The following PDZRN4 variants were observed in gnomAD, a reference collection of about 807,000 sequenced individuals.
The protein encoded by PDZRN4 is PDZ domain-containing RING finger protein 4.
Under a neutral mutation model 99.0 loss-of-function variants are expected in PDZRN4, and 70 were observed. That is an observed-to-expected ratio of 0.71 (90% CI 0.58 to 0.86). The LOEUF (loss-of-function observed/expected upper bound fraction) is 0.86. PDZRN4 is among the 40% of genes least tolerant of loss of function. The probability of loss-of-function intolerance (pLI) is 0.00; values close to 1 mark genes in which losing one functional copy is unlikely to be tolerated. For missense variants in PDZRN4, 1,474 were observed against 1,331.2 expected, an observed-to-expected ratio of 1.11 and a Z score of -1.67; for synonymous variants, 551 against 501.6, an observed-to-expected ratio of 1.10 and a Z score of -1.32.
chr12:41,261,526 A>G (rs1411649548), intron 3 of PDZRN4, among the ~76,000 whole-genome samples: 2 of 152,238 alleles, frequency 1.3e-5, no homozygotes, highest in African/African-American at 2.4e-5. Context: ...GTCTCGCTCT[A>G]TCGCCCAGGC....
chr12:41,319,756 G>T (rs190811937), intron 3 of PDZRN4, among the ~76,000 whole-genome samples: 1 of 152,264 alleles, frequency 6.6e-6, no homozygotes, highest in East Asian at 1.9e-4. Context: ...AACGTTCCTA[G>T]AGGTAAAAAA....
intron 3 of PDZRN4, among the ~76,000 whole-genome samples, chr12:41,402,834 G>A (rs1022524748): frequency 7.3e-5 from 11 of 151,640 alleles, no homozygotes; most frequent in African/African-American, 2.2e-4. Flanking sequence ...TTTGAGGGCA[G>A]CGTCAGCGTC....
intron 3 of PDZRN4, among the ~76,000 whole-genome samples, chr12:41,265,437 C>G (rs1299568363): frequency 1.3e-5 from 2 of 152,016 alleles, no homozygotes; most frequent in Non-Finnish European, 2.9e-5. Flanking sequence ...ATGGTTTTAC[C>G]TTAAGAAACC....
intron 3 of PDZRN4, among the ~76,000 whole-genome samples, chr12:41,361,571 G>A (rs1394115420): frequency 6.6e-6 from 1 of 152,044 alleles, no homozygotes; most frequent in African/African-American, 2.4e-5. Context: ...GCCACAATTT[G>A]AGGCCATATG....
At chr12:41,557,148 CAAAAAAAA>C (rs112787721) in intron 7 of PDZRN4, among the ~76,000 whole-genome samples, 1 of 57,982 alleles carries the variant, frequency 1.7e-5, no homozygotes, top group African/African-American at 4.4e-5. Flanking sequence ...GAGACACTCT[CAAAAAAAA>C]AAAAAAAAAA....
chr12:41,338,826 T>TTTCATCAAAAAAATCC (rs879762043), intron 3 of PDZRN4, among the ~76,000 whole-genome samples: 20 of 151,644 alleles, frequency 1.3e-4, no homozygotes, highest in Non-Finnish European at 2.5e-4. Context: ...CAACAAAATC[T>TTTCATCAAAAAAATCC]TTCATCAAAA....
intron 3 of PDZRN4, among the ~76,000 whole-genome samples, chr12:41,502,251 T>TA (rs1938124472): frequency 6.6e-6 from 1 of 152,108 alleles, no homozygotes; most frequent in South Asian, 2.1e-4. Context: ...GTTGCCCGGT[T>TA]ACAATGGAAA....
At chr12:41,523,267 C>T in intron 5 of PDZRN4, among the ~76,000 whole-genome samples, 1 of 152,028 alleles carries the variant, frequency 6.6e-6, no homozygotes, top group East Asian at 1.9e-4. Context: ...AGAAAAATGG[C>T]TGCCAGTTTT....
chr12:41,273,478 A>G (rs562678065), intron 3 of PDZRN4, among the ~76,000 whole-genome samples: 5 of 152,110 alleles, frequency 3.3e-5, no homozygotes, highest in Non-Finnish European at 5.9e-5. Flanking sequence ...GAAACAGTAT[A>G]GCGTGATAGA....
At position 41,279,127 on chromosome 12, in the gene PDZRN4, T is replaced by A. The variant is rs151312842; in HGVS notation, c.843+84939T>A. ...TTACACGCAGGGTTCGGGTATACAG[T>A]GTTTTTCAAATGTTTGGGTTGGTAA... On this transcript the variant is annotated intron_variant, in intron 3 of 9. Transcript: ENST00000402685. Among the ~76,000 whole-genome samples, 710 of 152,352 alleles carry A rather than the reference T, an allele frequency of 4.7e-3. 8 individuals carry two copies. Among genetic ancestry groups the A allele is most frequent in the African/African-American group, 0.016 (663 of 41,584 alleles).
chr12:41,470,329 A>T (rs1592073000), intron 3 of PDZRN4, among the ~76,000 whole-genome samples: 1 of 152,004 alleles, frequency 6.6e-6, no homozygotes, highest in South Asian at 2.1e-4. Context: ...AAAAAAATTA[A>T]CTTGGTATTG....
chr12:41,450,691 G>A (rs562987122), intron 3 of PDZRN4, among the ~76,000 whole-genome samples: 2 of 152,258 alleles, frequency 1.3e-5, no homozygotes, highest in Admixed American at 1.3e-4. Flanking sequence ...GGGAGCTGAG[G>A]CGGGGGGATC....
intron 8 of PDZRN4, among the ~76,000 whole-genome samples, chr12:41,564,211 T>C (rs1939322027): frequency 1.3e-5 from 2 of 152,234 alleles, no homozygotes; most frequent in Non-Finnish European, 2.9e-5. Flanking sequence ...TTGTATAGCA[T>C]GATCTGGTTC....
At chr12:41,299,748 G>C (rs921515261) in intron 3 of PDZRN4, among the ~76,000 whole-genome samples, 3 of 151,870 alleles carry the variant, frequency 2.0e-5, no homozygotes, top group Non-Finnish European at 4.4e-5. Context: ...ATTTCACTGT[G>C]TATTTGTGTT....
chr12:41,345,186 A>C (rs1056530961), intron 3 of PDZRN4, among the ~76,000 whole-genome samples: 2 of 152,210 alleles, frequency 1.3e-5, no homozygotes, highest in African/African-American at 4.8e-5. Context: ...TTTACAGACC[A>C]TGGGGCTGGC....
intron 3 of PDZRN4, among the ~76,000 whole-genome samples, chr12:41,204,660 C>G (rs1263956287): frequency 6.6e-6 from 1 of 152,008 alleles, no homozygotes; most frequent in African/African-American, 2.4e-5. Context: ...AGAACTCACT[C>G]ACTATCACGA....
intron 3 of PDZRN4, among the ~76,000 whole-genome samples, chr12:41,316,043 G>C (rs1951636014): frequency 6.6e-6 from 1 of 152,064 alleles, no homozygotes; most frequent in African/African-American, 2.4e-5. Flanking sequence ...AAATCCTTCA[G>C]AAATAAGTCT....
At chr12:41,395,147 C>T (rs1952237699) in intron 3 of PDZRN4, among the ~76,000 whole-genome samples, 1 of 152,092 alleles carries the variant, frequency 6.6e-6, no homozygotes, top group African/African-American at 2.4e-5. Flanking sequence ...CTTCATCATC[C>T]ATATCAAGTC....
chr12:41,233,188 T>C (rs1289581951), intron 3 of PDZRN4, among the ~76,000 whole-genome samples: 1 of 152,036 alleles, frequency 6.6e-6, no homozygotes, highest in Non-Finnish European at 1.5e-5. Flanking sequence ...CATGAAAAAA[T>C]GCTCATCATC....
Sources: gnomAD v4.1 joint callset for allele counts (sites outside exome capture counted in the v4.1 genomes callset) on GRCh38, gnomAD v4.1.1 for gene constraint, MANE v1.5 for transcripts, NCBI Gene and HGNC (gene_info 2026-07-23, HGNC 2026-07-21) for gene names.